MYOM1: variants seen among roughly 807,000 people sequenced by gnomAD.
MYOM1 encodes the protein myomesin-1.
MYOM1 carries 164 observed loss-of-function variants against 205.3 expected under a neutral mutation model. That is an observed-to-expected ratio of 0.80 (90% CI 0.70 to 0.91). The LOEUF (loss-of-function observed/expected upper bound fraction) is 0.91, where lower values mean the gene tolerates loss of function less well. Among genes scored for constraint, MYOM1 ranks in the 40% least tolerant of loss-of-function variants. The probability of loss-of-function intolerance (pLI) is 0.00; values close to 1 mark genes in which losing one functional copy is unlikely to be tolerated. For synonymous variants in MYOM1, 772 were observed against 789.4 expected (o/e 0.98, Z 0.37); for missense variants, 2,011 against 2,127.3 (o/e 0.95, Z 1.08).
chr18:3,107,446 A>G (rs1201224032), intron 22 of MYOM1, among the ~76,000 whole-genome samples: 2 of 152,188 alleles, frequency 1.3e-5, no homozygotes, highest in Non-Finnish European at 2.9e-5. Flanking sequence ...GGCTAAGAGG[A>G]TTATTTGATT....
At chr18:3,156,607 T>TC (rs1598730431) in intron 10 of MYOM1, among the ~76,000 whole-genome samples, 2 of 150,524 alleles carry the variant, frequency 1.3e-5, no homozygotes, top group Non-Finnish European at 2.9e-5. Context: ...GACACTTCTT[T>TC]CTTTTTTTTT....
upstream of MYOM1, among the ~76,000 whole-genome samples, chr18:3,224,495 G>C (rs2081344391): frequency 6.6e-6 from 1 of 152,194 alleles, no homozygotes; most frequent in South Asian, 2.1e-4. Context: ...TTGGAAGAGG[G>C]CATGCCTGCC....
Position 3,154,677 on chromosome 18 carries a change from T to A in MYOM1, c.1643+270A>T, listed in dbSNP as rs72860251. Among the ~76,000 whole-genome samples the A allele has an allele frequency of 0.16, 23,634 of 151,086 alleles. 2,253 individuals carry two copies. The highest frequency in any genetic ancestry group is 0.26 in the East Asian group (1,316 of 5,086). Reference sequence around the variant, plus strand: ...TTTATAATGGGTATATATACCCATTTTATATATATATGTAGGTACCATTAT... The same window carrying A: ...TTTATAATGGGTATATATACCCATTATATATATATATGTAGGTACCATTAT... On this transcript the variant is annotated intron_variant, in intron 11 of 37. Coordinates refer to ENST00000356443, the MANE Select transcript of MYOM1 (RefSeq NM_003803.4).
intron 19 of MYOM1, among the ~76,000 whole-genome samples, chr18:3,120,805 C>T (rs540234764): frequency 7.2e-5 from 11 of 152,102 alleles, no homozygotes; most frequent in South Asian, 2.1e-4. Flanking sequence ...TAATATTTTC[C>T]GTATCACTCA....
intron 37 of MYOM1, among the ~76,000 whole-genome samples, chr18:3,071,236 C>T (rs2143619742): frequency 6.6e-6 from 1 of 152,290 alleles, no homozygotes; most frequent in East Asian, 1.9e-4. Flanking sequence ...TAACACAGAA[C>T]ATGTTCATTT....
chr18:3,128,158 A>G (rs2079821952), intron 18 of MYOM1, among the ~76,000 whole-genome samples: 1 of 152,252 alleles, frequency 6.6e-6, no homozygotes, highest in Non-Finnish European at 1.5e-5. Flanking sequence ...AAATACATTT[A>G]TCTCTTCTCC....
rs779068904 is a variant in MYOM1, at chr18:3,112,280, G to A, written c.3418+18C>T. ...TTACACAGATAGGATTAGTTTTAAT[G>A]AAAAGGTGAAAGCCCACCTGGACGG... On this transcript the variant is annotated intron_variant, in intron 22 of 37. Coordinates refer to ENST00000356443, the MANE Select transcript of MYOM1 (RefSeq NM_003803.4). The A allele has an allele frequency of 1.9e-6, 3 of 1,606,954 alleles. No homozygotes were observed. Among genetic ancestry groups the A allele is most frequent in the Non-Finnish European group, 2.6e-6 (3 of 1,173,938 alleles).
At chr18:3,114,569 T>TA (rs2079577251) in intron 21 of MYOM1, among the ~76,000 whole-genome samples, 2 of 131,994 alleles carry the variant, frequency 1.5e-5, no homozygotes, top group Non-Finnish European at 3.3e-5. Context: ...TTTTTTTTTT[T>TA]AGAGACAGGG....
At chr18:3,147,571 T>C (rs185533953) in intron 13 of MYOM1, among the ~76,000 whole-genome samples, 187 of 152,200 alleles carry the variant, frequency 1.2e-3, no homozygotes, top group African/African-American at 4.0e-3. Flanking sequence ...TATACTGATT[T>C]GAAGATGCTA....
At chr18:3,111,080 C>T (rs79758282) in intron 22 of MYOM1, among the ~76,000 whole-genome samples, 3 of 28 alleles carry the variant, frequency 0.11, no homozygotes, top group Non-Finnish European at 0.38. Context: ...GCCTCCCGAG[C>T]AGCTAGGATT....
the MYOM1 span, among the ~76,000 whole-genome samples, chr18:3,236,868 A>G: frequency 2.0e-5 from 3 of 152,212 alleles, no homozygotes; most frequent in East Asian, 5.8e-4. Context: ...TAGCGAAATT[A>G]GGAGGAATTG....
In MYOM1 at chr18:3,067,563, A is replaced by G. The variant is rs1157078329; in HGVS notation, c.4765-8T>C. On this transcript the variant is annotated splice_polypyrimidine_tract_variant and splice_region_variant and intron_variant, in intron 37 of 37. Coordinates refer to ENST00000356443, the MANE Select transcript of MYOM1 (RefSeq NM_003803.4). The stretch of plus-strand genomic sequence containing the variant: ...GCAAGTGAGATTAAGGGCCTGCAAG[A>G]CAGGTTTTATGGGAGAGAAGAAGAT... 6.2e-7 allele frequency: 1 copy of G among 1,608,662 alleles called. No individual in the cohort carries two copies. Among genetic ancestry groups the G allele is most frequent in the Non-Finnish European group, 8.5e-7 (1 of 1,175,982 alleles).
intron 2 of MYOM1, among the ~76,000 whole-genome samples, chr18:3,202,012 A>C (rs894186164): frequency 2.0e-5 from 3 of 152,218 alleles, no homozygotes; most frequent in Admixed American, 6.6e-5. Context: ...TTGGGTTTAC[A>C]ACATTCATAG....
intron 14 of MYOM1, among the ~76,000 whole-genome samples, chr18:3,140,977 A>G (rs570796992): frequency 6.6e-6 from 1 of 152,326 alleles, no homozygotes; most frequent in East Asian, 1.9e-4. Context: ...GGGATAAAAT[A>G]AACTTATTTT....
chr18:3,103,816 A>C (rs2079414521), intron 22 of MYOM1, among the ~76,000 whole-genome samples: 1 of 152,210 alleles, frequency 6.6e-6, no homozygotes, highest in African/African-American at 2.4e-5. Context: ...GCCTGGCAGG[A>C]TGATCTTGGT....
chr18:3,116,637 C>A (rs980496043), intron 20 of MYOM1, 122 bp from the exon 21 acceptor site: 13 of 906,962 alleles, frequency 1.4e-5, no homozygotes, highest in Admixed American at 1.3e-4. Context: ...CAAAATCTAG[C>A]TTTCCCATGA....
chr18:3,244,202 C>A, the MYOM1 span, among the ~76,000 whole-genome samples: 219 of 152,244 alleles, frequency 1.4e-3, 1 homozygote, highest in African/African-American at 5.1e-3. Context: ...CTCCAGACAT[C>A]GCCAAATGTT....
chr18:3,196,252 G>A (rs889795272), intron 2 of MYOM1, among the ~76,000 whole-genome samples: 1 of 152,152 alleles, frequency 6.6e-6, no homozygotes, highest in Non-Finnish European at 1.5e-5. Flanking sequence ...AGTCTATTTT[G>A]TCATGATCCA....
Position 3,174,209 on chromosome 18 carries a change from C to G in MYOM1, c.1023-1G>C, listed in dbSNP as rs76787582. On this transcript the variant is annotated splice_acceptor_variant, in intron 6 of 37. Coordinates refer to ENST00000356443, the MANE Select transcript of MYOM1 (RefSeq NM_003803.4). LOFTEE classifies it high-confidence loss of function. ...CTGAGCTGTATCTTCAAAATCACAT[C>G]TGAAAGAACAGACGGAAATGAATAT... The G allele has an allele frequency of 6.2e-7, 1 of 1,611,848 alleles. No homozygotes were observed. Among genetic ancestry groups the G allele is most frequent in the South Asian group, 1.1e-5 (1 of 90,670 alleles).
Sources: allele counts gnomAD v4.1 joint callset (sites outside exome capture counted in the v4.1 genomes callset), GRCh38; gene constraint gnomAD v4.1.1; transcripts MANE v1.5; gene names NCBI Gene and HGNC (gene_info 2026-07-23, HGNC 2026-07-21).